The following GSE1 variants were observed in gnomAD, a reference collection of about 807,000 sequenced individuals.
GSE1 encodes the protein genetic suppressor element 1.
In GSE1, 32 loss-of-function variants were observed where a neutral mutation model predicts 112.6. The observed-to-expected ratio is 0.28, with a 90% CI of 0.21 to 0.38. The LOEUF is 0.38. Ranked by LOEUF, GSE1 falls within the 10% of genes least tolerant of loss-of-function variation. GSE1 has a pLI of 1.00. For missense variants in GSE1, 2,348 were observed against 1,699.2 expected (o/e 1.38, Z -6.71); for synonymous variants, 1,115 against 735.6 (o/e 1.52, Z -8.35).
At chr16:85,543,516 C>A (rs2044595812) in intron 2 of GSE1, among the ~76,000 whole-genome samples, 2 of 152,166 alleles carry the variant, frequency 1.3e-5, no homozygotes, top group Admixed American at 1.3e-4. Context: ...TTGCATGAGC[C>A]CTGCTGGGGG....
intron 2 of GSE1, among the ~76,000 whole-genome samples, chr16:85,365,055 T>G (rs994630457): frequency 6.6e-6 from 1 of 152,182 alleles, no homozygotes; most frequent in Non-Finnish European, 1.5e-5. Context: ...CTGGGAGCTC[T>G]CATCTTTGGG....
intron 2 of GSE1, among the ~76,000 whole-genome samples, chr16:85,413,939 T>G (rs2048645086): frequency 6.6e-6 from 1 of 152,210 alleles, no homozygotes; most frequent in Non-Finnish European, 1.5e-5. Context: ...TGCTCAGCAC[T>G]TCTCCTTCCT....
intron 1 of GSE1, among the ~76,000 whole-genome samples, chr16:85,351,939 G>A (rs1322885816): frequency 2.0e-5 from 3 of 152,078 alleles, no homozygotes; most frequent in Admixed American, 6.5e-5. Context: ...GCAGTGAGCC[G>A]AGATCGCACC....
In GSE1 at chr16:85,643,441, G is replaced by T. The variant is rs144743712; in HGVS notation, c.227-5111G>T. ...TTAGGCCGCTGAGTGTCAATGGCCT[G>T]CCCTGCCCCAGAGAAGCTCCCCACC... On this transcript the variant is annotated intron_variant, in intron 2 of 15. Transcript: ENST00000253458. Among the ~76,000 whole-genome samples, 208 of 152,324 alleles carry T rather than the reference G, an allele frequency of 1.4e-3. 1 individual carries two copies. The highest frequency in any genetic ancestry group is 2.4e-3 in the Non-Finnish European group (165 of 68,012).
chr16:85,597,588 G>T (rs908317313), intron 1 of GSE1, among the ~76,000 whole-genome samples: 3 of 152,010 alleles, frequency 2.0e-5, no homozygotes, highest in Non-Finnish European at 2.9e-5. Flanking sequence ...TCCCACCTCA[G>T]CCTCCCCAGT....
chr16:85,654,323 G>C lies in GSE1; in HGVS notation c.472G>C (p.Val158Leu), dbSNP rs759508904. The C allele has an allele frequency of 6.2e-7, 1 of 1,610,966 alleles. No homozygotes were observed. The highest frequency in any genetic ancestry group is 8.5e-7 in the Non-Finnish European group (1 of 1,179,294). The change falls in exon 4 of 16, where the codon GTG (valine) becomes CTG (leucine). Residue 158 changes from valine (V) to leucine (L), a missense_variant. By Grantham distance (32) the Val-to-Leu change is conservative. Transcript: ENST00000253458. Reference protein sequence around the residue: ...SSSGGRERLIVEPPLPQEKAG... With the variant: ...SSSGGRERLILEPPLPQEKAG... ...CAGTGGAGGTCGGGAACGCCTCATT[G>C]TGGAGCCCCCGCTCCCTCAGGAGAA...
intron 2 of GSE1, among the ~76,000 whole-genome samples, chr16:85,510,109 C>A (rs949395507): frequency 8.5e-5 from 13 of 152,230 alleles, no homozygotes; most frequent in African/African-American, 3.1e-4. Context: ...ATCAGATGTA[C>A]CCGCCCTGGA....
chr16:85,428,800 G>A (rs2049051341), intron 2 of GSE1, among the ~76,000 whole-genome samples: 1 of 152,190 alleles, frequency 6.6e-6, no homozygotes, highest in East Asian at 1.9e-4. Context: ...CGGGCTGGGG[G>A]ATCCTTGGCA....
At position 85,402,561 on chromosome 16, in the gene GSE1, C is replaced by T. The variant is rs906314703; in HGVS notation, c.2464+44918C>T. On this transcript the variant is annotated intron_variant, in intron 2 of 2. Coordinates refer to the GSE1 transcript ENST00000637419. ...GAGCCGGGGCTGGGACATCACAGGGCGGCACTTTGAAGAGAGCTTGTCGGG... is the reference window on the plus strand; with the variant it reads ...GAGCCGGGGCTGGGACATCACAGGGTGGCACTTTGAAGAGAGCTTGTCGGG... Among the ~76,000 whole-genome samples the T allele has an allele frequency of 7.2e-5, 11 of 152,220 alleles. No homozygotes were observed. In the East Asian group the frequency reaches 1.4e-3, roughly 19 times the overall value.
At position 85,398,829 on chromosome 16, in the gene GSE1, G is replaced by A. The variant is rs367822396; in HGVS notation, c.2464+41186G>A. Among the ~76,000 whole-genome samples, 26 of 152,304 alleles carry A rather than the reference G, an allele frequency of 1.7e-4. No individual in the cohort carries two copies. The East Asian group carries it at 3.9e-3, about 23-fold the overall frequency. On this transcript the variant is annotated intron_variant, in intron 2 of 2. Coordinates refer to the GSE1 transcript ENST00000637419. ...GCACAGAGAATGTGTGTGGGTGCAT[G>A]TGTACACGTGCACATGTGTAGACAT...
Position 85,464,516 on chromosome 16 carries a change from G to T in GSE1, c.2464+106873G>T, listed in dbSNP as rs185040790. 6.1e-3 allele frequency among the ~76,000 whole-genome samples: 927 copies of T among 152,358 alleles called. 24 individuals are homozygous for T. The highest frequency in any genetic ancestry group is 0.035 in the Admixed American group (540 of 15,312). ...TGGAGGAGGGCCTCGGCAGCCCCCA[G>T]ACGGCCTCACCAGCTGTGTGACCTT... On this transcript the variant is annotated intron_variant, in intron 2 of 2. Coordinates refer to the GSE1 transcript ENST00000637419.
chr16:85,557,567 G>T (rs1310024467), intron 1 of GSE1, among the ~76,000 whole-genome samples: 1 of 151,470 alleles, frequency 6.6e-6, no homozygotes, highest in African/African-American at 2.4e-5. Context: ...GTTCGGTTTC[G>T]GGTTTTTTTT....
At chr16:85,413,213 T>C (rs1019188457) in intron 2 of GSE1, among the ~76,000 whole-genome samples, 4 of 152,038 alleles carry the variant, frequency 2.6e-5, no homozygotes, top group African/African-American at 7.2e-5. Flanking sequence ...GTGAGTGAGG[T>C]TGAGGCAGCG....
In GSE1 at chr16:85,663,084, G is replaced by A. The variant is rs151106082; in HGVS notation, c.2364G>A (p.Thr788=). 3.5e-5 allele frequency: 56 copies of A among 1,603,106 alleles called. No homozygotes were observed. Among genetic ancestry groups the A allele is most frequent in the East Asian group, 2.7e-4 (12 of 44,858 alleles). Residue 788 remains threonine (T), a synonymous_variant, in exon 10 of 16, where the codon ACG becomes ACA. Transcript: ENST00000253458. ...AGCAGCCGCCCCTCAAACTGGACAC[G>A]TCCTCTGAGGTACTGGGCTCTCCTC... ...VAEQPPLKLD[T]SSEKLEFLQL...
At chr16:85,179,998 G>A (rs529531771) in intron 1 of GSE1, among the ~76,000 whole-genome samples, 3 of 152,324 alleles carry the variant, frequency 2.0e-5, no homozygotes, top group South Asian at 2.1e-4. Flanking sequence ...TAACCATCTC[G>A]TCTTTCTACA....
At chr16:85,609,095 C>T (rs1463774041), upstream of GSE1, among the ~76,000 whole-genome samples, 1 of 152,210 alleles carries the variant, frequency 6.6e-6, no homozygotes, top group Non-Finnish European at 1.5e-5. Context: ...GAGCACCTGA[C>T]GTGGCCCAGG....
At chr16:85,652,940 T>A (rs1030242205) in intron 3 of GSE1, among the ~76,000 whole-genome samples, 1 of 151,760 alleles carries the variant, frequency 6.6e-6, no homozygotes, top group Admixed American at 6.6e-5. Flanking sequence ...TTACCTGACA[T>A]GGCCAGATGG....
At chr16:85,284,372 G>A (rs754681806) in intron 1 of GSE1, among the ~76,000 whole-genome samples, 1 of 152,204 alleles carries the variant, frequency 6.6e-6, no homozygotes, top group Non-Finnish European at 1.5e-5. Context: ...CCGGGCGCGA[G>A]AGCCTCTGCT....
chr16:85,410,874 C>G (rs375290345), intron 2 of GSE1, among the ~76,000 whole-genome samples: 27 of 89,076 alleles, frequency 3.0e-4, no homozygotes, highest in South Asian at 1.6e-3. Context: ...CTCACTGTTG[C>G]ACTCAGGGTC....
Sources: allele counts gnomAD v4.1 joint callset (sites outside exome capture counted in the v4.1 genomes callset), GRCh38; gene constraint gnomAD v4.1.1; transcripts MANE v1.5; gene names NCBI Gene and HGNC (gene_info 2026-07-23, HGNC 2026-07-21).